PTPRE: variants seen among roughly 807,000 people sequenced by gnomAD.
PTPRE encodes the protein receptor-type tyrosine-protein phosphatase epsilon.
In PTPRE, 51 loss-of-function variants were observed where a neutral mutation model predicts 102.0. The observed-to-expected ratio is 0.50, with a 90% CI of 0.40 to 0.63. The LOEUF (loss-of-function observed/expected upper bound fraction) is 0.63, where lower values mean the gene tolerates loss of function less well. PTPRE is among the 30% of genes least tolerant of loss of function. The probability of loss-of-function intolerance (pLI) is 0.00; values close to 1 mark genes in which losing one functional copy is unlikely to be tolerated. For synonymous variants in PTPRE, 345 were observed against 348.2 expected (o/e 0.99, Z 0.10); for missense variants, 752 against 915.1 (o/e 0.82, Z 2.30).
intron 1 of PTPRE, among the ~76,000 whole-genome samples, chr10:127,972,031 G>A (rs769568574): frequency 2.3e-4 from 35 of 152,202 alleles, no homozygotes; most frequent in Non-Finnish European, 1.2e-4. Flanking sequence ...GTTTGGAGCC[G>A]GGTGGGAAGA....
At chr10:127,988,365 G>A (rs1852298208) in intron 2 of PTPRE, among the ~76,000 whole-genome samples, 1 of 146,022 alleles carries the variant, frequency 6.8e-6, no homozygotes, top group South Asian at 2.1e-4. Flanking sequence ...GAGTTCGTTG[G>A]CACAATCTGG....
chr10:127,930,267 G>A (rs192800332), intron 1 of PTPRE, among the ~76,000 whole-genome samples: 32 of 151,800 alleles, frequency 2.1e-4, no homozygotes, highest in African/African-American at 6.3e-4. Flanking sequence ...CTGTCATCAT[G>A]CACCTTTATG....
rs184935432 is a variant in PTPRE at position 128,020,999 on chromosome 10, G to A, written c.-7-19876G>A. Among the ~76,000 whole-genome samples, 230 of 151,488 alleles carry A rather than the reference G, an allele frequency of 1.5e-3. 2 individuals carry two copies. Among genetic ancestry groups the A allele is most frequent in the Admixed American group, 0.011 (167 of 15,200 alleles). ...TGCAAGCTCCGCCTCCCAGGTTCAC[G>A]CCATTCTGCCTCAGCCTCCCGAGTA... On this transcript the variant is annotated intron_variant, in intron 2 of 20. Transcript: ENST00000254667.
At chr10:128,061,473 C>T (rs1849586204) in intron 8 of PTPRE, among the ~76,000 whole-genome samples, 1 of 152,260 alleles carries the variant, frequency 6.6e-6, no homozygotes, top group East Asian at 1.9e-4. Context: ...AAAGGTTTGG[C>T]AGAAAAACAG....
At chr10:127,912,864 G>T (rs997620872) in intron 1 of PTPRE, among the ~76,000 whole-genome samples, 1 of 152,256 alleles carries the variant, frequency 6.6e-6, no homozygotes, top group Admixed American at 6.5e-5. Context: ...GTAGGAGCCT[G>T]TCCAGGTAGC....
At chr10:128,080,005 G>C (rs746291251) in intron 20 of PTPRE, among the ~76,000 whole-genome samples, 1 of 152,190 alleles carries the variant, frequency 6.6e-6, no homozygotes, top group Non-Finnish European at 1.5e-5. Flanking sequence ...TTCTACGAGA[G>C]TCCTGTGTGC....
intron 16 of PTPRE, chr10:128,072,417 C>T: frequency 4.1e-6 from 2 of 487,202 alleles, no homozygotes; most frequent in Non-Finnish European, 7.2e-6. Flanking sequence ...CTTTGGGAAG[C>T]TAAGGCGGGC....
At chr10:127,966,080 AC>A (rs755935227) in intron 1 of PTPRE, among the ~76,000 whole-genome samples, 18 of 151,752 alleles carry the variant, frequency 1.2e-4, no homozygotes, top group Non-Finnish European at 2.5e-4. Flanking sequence ...GTGTGGATCT[AC>A]CAGATCTTCA....
At chr10:127,924,480 C>T (rs1458253981) in intron 1 of PTPRE, among the ~76,000 whole-genome samples, 3 of 152,192 alleles carry the variant, frequency 2.0e-5, no homozygotes, top group African/African-American at 4.8e-5. Context: ...GCCTACACCT[C>T]GGCCTCCCAA....
intron 12 of PTPRE, chr10:128,069,490 G>A (rs550363873): frequency 8.1e-5 from 51 of 626,958 alleles, no homozygotes; most frequent in African/African-American, 6.6e-4. Flanking sequence ...GTAGAGTGTC[G>A]GTGGCTATCA....
chr10:127,958,035 T>G (rs1230422491), intron 1 of PTPRE, among the ~76,000 whole-genome samples: 1 of 152,244 alleles, frequency 6.6e-6, no homozygotes, highest in Non-Finnish European at 1.5e-5. Context: ...TTGTATTAAC[T>G]TTATACCCTG....
intron 2 of PTPRE, among the ~76,000 whole-genome samples, chr10:128,025,302 G>T (rs753964675): frequency 1.3e-5 from 2 of 152,124 alleles, no homozygotes; most frequent in African/African-American, 2.4e-5. Context: ...TCAGGGAATG[G>T]GGTCAGTGCT....
rs761506942 is a variant in PTPRE, at chr10:128,079,689, A to C, written c.2022A>C (p.Gln674His). The C allele has an allele frequency of 6.2e-7, 1 of 1,612,264 alleles. No homozygotes were observed. Among genetic ancestry groups the C allele is most frequent in the Non-Finnish European group, 8.5e-7 (1 of 1,178,442 alleles). The change falls in exon 20 of 21, where the codon CAA becomes CAC. Residue 674 changes from glutamine (Q) to histidine (H), a missense_variant. By Grantham distance (24) the Gln-to-His change is conservative. This residue lies in a region of PTPRE where 636 missense variants were observed against 824.4 expected (regional missense o/e 0.77). Transcript: ENST00000254667. Reference protein sequence around the residue: ...SLRLQRPHMVQTLEQYEFCYK... With the variant: ...SLRLQRPHMVHTLEQYEFCYK... Reference sequence around the variant, plus strand: ...GACTTCAGAGACCACATATGGTGCAAACCCTGGTAAGAATCTGAATAAGGA... The same window carrying C: ...GACTTCAGAGACCACATATGGTGCACACCCTGGTAAGAATCTGAATAAGGA...
chr10:128,066,230 C>A, intron 11 of PTPRE, 36 bp downstream of exon 11: 2 of 1,607,348 alleles, frequency 1.2e-6, no homozygotes, highest in Non-Finnish European at 8.5e-7. Flanking sequence ...CCAGAAAGAT[C>A]ATTTTCAGAG....
chr10:128,014,017 A>G (rs1361012573), intron 2 of PTPRE, among the ~76,000 whole-genome samples: 2 of 152,180 alleles, frequency 1.3e-5, no homozygotes, highest in East Asian at 3.9e-4. Flanking sequence ...TACCTCTGCC[A>G]TTCTCTTGAA....
At chr10:128,033,781 ATTACAGGCG>A (rs1846970420) in intron 2 of PTPRE, among the ~76,000 whole-genome samples, 1 of 152,170 alleles carries the variant, frequency 6.6e-6, no homozygotes, top group Non-Finnish European at 1.5e-5. Context: ...AGCAGCTGGG[ATTACAGGCG>A]TGCACCACAT....
At chr10:127,935,288 G>A (rs977576993) in intron 1 of PTPRE, among the ~76,000 whole-genome samples, 1 of 152,190 alleles carries the variant, frequency 6.6e-6, no homozygotes, top group Non-Finnish European at 1.5e-5. Flanking sequence ...ATGCGGTTGC[G>A]TCAGGAGTAA....
intron 7 of PTPRE, among the ~76,000 whole-genome samples, chr10:128,057,628 C>A (rs557783479): frequency 5.3e-5 from 8 of 152,274 alleles, no homozygotes; most frequent in African/African-American, 1.9e-4. Flanking sequence ...TTCACAAAAC[C>A]CACTGTGAAC....
chr10:127,938,364 C>T (rs1386653246), intron 1 of PTPRE, among the ~76,000 whole-genome samples: 1 of 152,032 alleles, frequency 6.6e-6, no homozygotes, highest in Non-Finnish European at 1.5e-5. Flanking sequence ...GTTATAGTCT[C>T]CTAGGAGACA....
Sources: gnomAD v4.1 joint callset for allele counts (sites outside exome capture counted in the v4.1 genomes callset) on GRCh38, gnomAD v4.1.1 for gene constraint, gnomAD v4.1.1 regional missense constraint, MANE v1.5 for transcripts, NCBI Gene and HGNC (gene_info 2026-07-23, HGNC 2026-07-21) for gene names.